ZFC3H1: variants seen among roughly 807,000 people sequenced by gnomAD.
ZFC3H1 encodes zinc finger C3H1 domain-containing protein.
Under a neutral mutation model 243.7 loss-of-function variants are expected in ZFC3H1, and 71 were observed. The ratio of observed to expected loss-of-function variants is 0.29; its 90% CI spans 0.24 to 0.36. The LOEUF (loss-of-function observed/expected upper bound fraction) is 0.36. Among genes scored for constraint, ZFC3H1 ranks in the 10% least tolerant of loss-of-function variants. The pLI is 1.00. For missense variants in ZFC3H1, 1,966 were observed against 2,317.1 expected (o/e 0.85, Z 3.11); for synonymous variants, 838 against 813.0 (o/e 1.03, Z -0.52).
Position 71,662,262 on chromosome 12 carries a change from C to T in ZFC3H1, c.598+751G>A, listed in dbSNP as rs190062888. ...TTACTATTTCCTTTCTCAACTTACC[C>T]GTAATCTCCACCCTCGCATACACAT... On this transcript the variant is annotated intron_variant, in intron 1 of 34. Transcript: ENST00000378743. Among the ~76,000 whole-genome samples, 875 of 152,250 alleles carry T rather than the reference C, an allele frequency of 5.7e-3. 9 individuals are homozygous for T. Among genetic ancestry groups the T allele is most frequent in the Non-Finnish European group, 7.3e-3 (499 of 68,024 alleles).
rs1453615224 is a variant in ZFC3H1 at position 71,627,983 on chromosome 12, G to A, written c.3947-49C>T. 1.9e-6 allele frequency: 3 copies of A among 1,544,906 alleles called. No individual in the cohort carries two copies. In the African/African-American group the frequency reaches 4.2e-5, roughly 21 times the overall value. On this transcript the variant is annotated intron_variant, in intron 20 of 34. Coordinates refer to ENST00000378743, the MANE Select transcript of ZFC3H1 (RefSeq NM_144982.5). ...AGCTTCACATTTTCTTTAGTCCACA[G>A]ATGCAAGAAAAAGAAAACAATTGGT... is the stretch of plus-strand genomic sequence containing the variant.
chr12:71,611,518 A>G (rs938349562), intron 32 of ZFC3H1: 2 of 168,560 alleles, frequency 1.2e-5, no homozygotes, highest in African/African-American at 4.8e-5. Flanking sequence ...TGATAACAGT[A>G]CTGTCACCTA....
intron 13 of ZFC3H1, 96 bp downstream of exon 13, chr12:71,633,168 T>C: frequency 1.4e-6 from 2 of 1,411,338 alleles, no homozygotes; most frequent in South Asian, 1.5e-5. Context: ...TTATGCATAT[T>C]TTGCTGGCTT....
At position 71,634,165 on chromosome 12, in the gene ZFC3H1, T is replaced by C. The variant is rs1451911171; in HGVS notation, c.2500A>G (p.Lys834Glu). 1 of 1,611,024 alleles carries C rather than the reference T, an allele frequency of 6.2e-7. No individual in the cohort carries two copies. The highest frequency in any genetic ancestry group is 2.2e-5 in the East Asian group (1 of 44,836). The change falls in exon 12 of 35, where the codon AAA becomes GAA. Residue 834 changes from lysine (K) to glutamate (E), a missense_variant. Transcript: ENST00000378743. The stretch of plus-strand genomic sequence containing the variant: ...GATAACAAGGCTCACCTATGTTTTT[T>C]CAGTTTTGATTCTGCATCTGTAACC... ...KQVTDAESKL[K>E]KHRILLMKDE...
At chr12:71,621,366 C>T (rs533091062) in intron 24 of ZFC3H1, among the ~76,000 whole-genome samples, 9 of 151,278 alleles carry the variant, frequency 5.9e-5, no homozygotes, top group South Asian at 2.1e-4. Flanking sequence ...TGCAGTGGCA[C>T]GACCTCGGCT....
Position 71,663,303 on chromosome 12 carries a change from C to T in ZFC3H1, c.308G>A (p.Ser103Asn). 2 of 1,613,426 alleles carry T rather than the reference C, an allele frequency of 1.2e-6. No individual in the cohort carries two copies. The highest frequency in any genetic ancestry group is 1.7e-6 in the Non-Finnish European group (2 of 1,180,034). Reference protein sequence around the residue: ...SERGHLRGPSSYRPKEPFRSH... With the variant: ...SERGHLRGPSNYRPKEPFRSH... ...CCGGAACGGTTCTTTGGGTCGGTAG[C>T]TGCTGGGTCCCCTGAGGTGGCCCCG... The change falls in exon 1 of 35, where the codon AGC becomes AAC. Residue 103 changes from serine to asparagine, a missense_variant. This residue lies in a region of ZFC3H1 where 484 missense variants were observed against 449.7 expected (regional missense o/e 1.08). Transcript: ENST00000378743.
intron 3 of ZFC3H1, 49 bp downstream of exon 3, chr12:71,647,700 G>C: frequency 9.7e-7 from 1 of 1,033,526 alleles, no homozygotes; most frequent in Non-Finnish European, 1.4e-6. Flanking sequence ...ATAAAGCAAT[G>C]CAAAAATGGG....
chr12:71,622,030 T>A (rs1042393488), intron 24 of ZFC3H1, among the ~76,000 whole-genome samples: 21 of 152,234 alleles, frequency 1.4e-4, no homozygotes, highest in African/African-American at 5.1e-4. Context: ...AGTATCATTC[T>A]ACTTATCAAG....
Position 71,630,857 on chromosome 12 carries a change from A to T in ZFC3H1, c.3568T>A (p.Leu1190Ile). The change falls in exon 17 of 35, where the codon TTA (leucine) becomes ATA (isoleucine). Residue 1190 changes from leucine (L) to isoleucine (I), a missense_variant. Physicochemically the swap from Leu to Ile is conservative, Grantham distance 5. Around this residue, in one of 4 missense-constraint regions of ZFC3H1, gnomAD observed 1,383 missense variants for 1,723.7 expected, o/e 0.80. Coordinates refer to ENST00000378743, the MANE Select transcript of ZFC3H1 (RefSeq NM_144982.5). Reference sequence around the variant, plus strand: ...TCATCATCATTACATGTTCCTGTTAAATCAAAACGGCAGAAACACTGATCC... The same window carrying T: ...TCATCATCATTACATGTTCCTGTTATATCAAAACGGCAGAAACACTGATCC... ...EPDQCFCRFD[L>I]TGTCNDDDCQ... The T allele has an allele frequency of 6.2e-7, 1 of 1,613,390 alleles. No individual in the cohort carries two copies. The highest frequency in any genetic ancestry group is 8.5e-7 in the Non-Finnish European group (1 of 1,179,588).
intron 1 of ZFC3H1, chr12:71,660,218 T>C (rs1475695686): frequency 6.6e-6 from 1 of 152,216 alleles, no homozygotes; most frequent in Admixed American, 6.5e-5. Flanking sequence ...GAAATATGAA[T>C]TAAACTGAGT....
Position 71,663,758 on chromosome 12 carries a change from CGCACCCCA to C in ZFC3H1, c.-156_-149del, listed in dbSNP as rs1881261477. ...AGCGGCCTCTGCTCCCCAACTTCCC[CGCACCCCA>C]GCACCCCAGCTCTCTCTCGCCGGAC... On this transcript the variant is annotated 5_prime_UTR_variant, in exon 1 of 35. Coordinates refer to ENST00000378743, the MANE Select transcript of ZFC3H1 (RefSeq NM_144982.5). 1.1e-6 allele frequency: 1 copy of C among 870,592 alleles called. No individual in the cohort carries two copies. The highest frequency in any genetic ancestry group is 1.7e-6 in the Non-Finnish European group (1 of 572,288). The allele number at this position is 870,592 out of a possible 1,614,324, so 53.9% of individuals were successfully genotyped here. A position where few individuals can be genotyped will look rare whatever the true frequency, so the allele number is the denominator to read the frequency against.
At chr12:71,628,056 C>T in intron 20 of ZFC3H1, 122 bp from the exon 21 acceptor site, 1 of 962,434 alleles carries the variant, frequency 1.0e-6, no homozygotes, top group Non-Finnish European at 1.5e-6. Context: ...ATGACATGTA[C>T]TAGCTCACAG....
rs185612588 is a variant in ZFC3H1, at chr12:71,622,588, G to A, written c.4744+772C>T. 2.6e-3 allele frequency among the ~76,000 whole-genome samples: 389 copies of A among 151,956 alleles called. 1 individual carries two copies. The highest frequency in any genetic ancestry group is 2.9e-3 in the Non-Finnish European group (197 of 67,984). On this transcript the variant is annotated intron_variant, in intron 24 of 34. Transcript: ENST00000378743. ...AGCGATTCTCATGCCTCAGCCTCCC[G>A]AGTAGCTGGGAATACAGGCGTGAAT...
intron 22 of ZFC3H1, 76 bp from the exon 23 acceptor site, chr12:71,624,368 T>G: frequency 7.2e-7 from 1 of 1,381,888 alleles, no homozygotes; most frequent in Non-Finnish European, 9.7e-7. Context: ...CACATTTCAT[T>G]AAGAAACCAT....
At chr12:71,645,818 T>A (rs1178456444) in intron 3 of ZFC3H1, among the ~76,000 whole-genome samples, 1 of 152,250 alleles carries the variant, frequency 6.6e-6, no homozygotes, top group Admixed American at 6.5e-5. Context: ...AAAATTAATC[T>A]GTTCTCTCCA....
In ZFC3H1 at chr12:71,615,267, T is replaced by TA; in HGVS notation, c.5193dup (p.Lys1732Ter). 1 of 1,613,490 alleles carries TA rather than the reference T, an allele frequency of 6.2e-7. No homozygotes were observed. Among genetic ancestry groups the TA allele is most frequent in the Non-Finnish European group, 8.5e-7 (1 of 1,179,790 alleles). ...AACATATCATCATCAAAATTCCCTTTACATAAACGAGATGGAATGTCAATT... is the reference window on the plus strand; with the variant it reads ...AACATATCATCATCAAAATTCCCTTTAACATAAACGAGATGGAATGTCAATT... On this transcript the variant is annotated frameshift_variant, in exon 28 of 35. Transcript: ENST00000378743. LOFTEE classifies it high-confidence loss of function.
intron 2 of ZFC3H1, among the ~76,000 whole-genome samples, chr12:71,651,478 C>A (rs1318544796): frequency 6.6e-6 from 1 of 152,094 alleles, no homozygotes; most frequent in Admixed American, 6.6e-5. Context: ...TTTTGTTCAC[C>A]AATTTATTTC....
intron 2 of ZFC3H1, among the ~76,000 whole-genome samples, 179 bp from the exon 3 acceptor site, chr12:71,647,992 A>C (rs1413600748): frequency 2.0e-5 from 3 of 152,240 alleles, no homozygotes. Context: ...ACAAACTCTT[A>C]TCAGCCTCAT....
chr12:71,620,831 T>A (rs1257839304), intron 24 of ZFC3H1, among the ~76,000 whole-genome samples: 1 of 152,190 alleles, frequency 6.6e-6, no homozygotes, highest in Non-Finnish European at 1.5e-5. Flanking sequence ...AACGGTACAA[T>A]GTTTTACTTT....
Sources: allele counts gnomAD v4.1 joint callset (sites outside exome capture counted in the v4.1 genomes callset), GRCh38; gene constraint gnomAD v4.1.1; regional missense constraint gnomAD v4.1.1; transcripts MANE v1.5; gene names NCBI Gene and HGNC (gene_info 2026-07-23, HGNC 2026-07-21).